Variants in KBTBD2 observed in about 807,000 individuals in gnomAD.
The protein encoded by KBTBD2 is kelch repeat and BTB domain-containing protein 2.
In KBTBD2, 17 loss-of-function variants were observed where a neutral mutation model predicts 57.1. The ratio of observed to expected loss-of-function variants is 0.30; its 90% confidence interval spans 0.20 to 0.45. The LOEUF (loss-of-function observed/expected upper bound fraction) is 0.45, where lower values mean the gene tolerates loss of function less well. KBTBD2 is among the 20% of genes least tolerant of loss of function. The pLI is 1.00. For synonymous variants in KBTBD2, 267 were observed against 262.7 expected (o/e 1.02, Z -0.16); for missense variants, 515 against 750.6 (o/e 0.69, Z 3.67).
At chr7:32,887,995 C>A (rs1448551089) in intron 1 of KBTBD2, among the ~76,000 whole-genome samples, 1 of 152,208 alleles carries the variant, frequency 6.6e-6, no homozygotes, top group East Asian at 1.9e-4. Context: ...GAAGCTTTTG[C>A]AGCACTTTCC....
chr7:32,876,671 T>C (rs780764254), intron 2 of KBTBD2, among the ~76,000 whole-genome samples: 9 of 152,156 alleles, frequency 5.9e-5, no homozygotes, highest in Non-Finnish European at 1.3e-4. Flanking sequence ...AAAACCACTA[T>C]AGCTGGGCGC....
intron 1 of KBTBD2, among the ~76,000 whole-genome samples, chr7:32,880,982 T>A (rs1784431694): frequency 6.6e-6 from 1 of 151,560 alleles, no homozygotes; most frequent in Non-Finnish European, 1.5e-5. Context: ...GTGCCTGTAA[T>A]CCCAGCTACT....
upstream of KBTBD2, chr7:32,891,856 G>C (rs184890678): frequency 0.46 from 55,743 of 122,506 alleles, 14,089 homozygotes; most frequent in African/African-American, 0.69. Context: ...TTGTCAGTCC[G>C]GGGCCGCGAG....
At chr7:32,889,215 C>T (rs1347923450) in intron 1 of KBTBD2, among the ~76,000 whole-genome samples, 2 of 151,538 alleles carry the variant, frequency 1.3e-5, no homozygotes, top group Admixed American at 6.6e-5. Flanking sequence ...GGCGTGAACC[C>T]GGGAGGCGGA....
intron 2 of KBTBD2, among the ~76,000 whole-genome samples, chr7:32,876,807 A>G (rs1022035997): frequency 4.0e-5 from 6 of 151,868 alleles, no homozygotes; most frequent in African/African-American, 1.5e-4. Flanking sequence ...AAATACAAAA[A>G]TTTGCTGGGC....
At chr7:32,886,952 T>C (rs1784595158) in intron 1 of KBTBD2, among the ~76,000 whole-genome samples, 1 of 150,400 alleles carries the variant, frequency 6.6e-6, no homozygotes, top group Non-Finnish European at 1.5e-5. Flanking sequence ...TGGCAGTGTT[T>C]TGGCTTTTTG....
chr7:32,871,383 C>T (rs1784174092), intron 3 of KBTBD2, among the ~76,000 whole-genome samples: 1 of 152,086 alleles, frequency 6.6e-6, no homozygotes, highest in African/African-American at 2.4e-5. Flanking sequence ...GGTAAGATAA[C>T]AAAGCAACAC....
rs10671216 is a variant in KBTBD2, at chr7:32,885,909, C to CTTT, written c.-339+5624_-339+5626dup. Among the ~76,000 whole-genome samples, 504 of 141,588 alleles carry CTTT rather than the reference C, an allele frequency of 3.6e-3. 5 individuals carry two copies. Among genetic ancestry groups the CTTT allele is most frequent in the African/African-American group, 7.0e-3 (268 of 38,222 alleles). 92.9% of individuals were successfully genotyped at this position (141,588 alleles called of 152,430 possible). A position where few individuals can be genotyped will look rare whatever the true frequency, so the allele number is the denominator to read the frequency against. On this transcript the variant is annotated intron_variant, in intron 1 of 3. Coordinates refer to ENST00000304056, the MANE Select transcript of KBTBD2 (RefSeq NM_015483.3). ...AATCCTCTCCTCCACTGTCTACACA[C>CTTT]TTTTTTTTTTTTTTTTAAAGACAGA...
Position 32,875,175 on chromosome 7 carries a change from A to C in KBTBD2, c.171-18T>G. 1 of 1,609,768 alleles carries C rather than the reference A, an allele frequency of 6.2e-7. No individual in the cohort carries two copies. The highest frequency in any genetic ancestry group is 8.5e-7 in the Non-Finnish European group (1 of 1,177,830). ...ACATGGCCCTACAGGGGAGATGAAG[A>C]AAACAAAGTTGTAAGGGTTTTGTGT... On this transcript the variant is annotated intron_variant, in intron 2 of 3. Transcript: ENST00000304056.
At chr7:32,873,786 T>C (rs1462401580) in intron 3 of KBTBD2, among the ~76,000 whole-genome samples, 1 of 152,110 alleles carries the variant, frequency 6.6e-6, no homozygotes, top group Non-Finnish European at 1.5e-5. Flanking sequence ...TATTAGGTAG[T>C]AAAACACACG....
intron 2 of KBTBD2, among the ~76,000 whole-genome samples, chr7:32,878,128 A>T (rs1201932053): frequency 1.3e-5 from 2 of 151,492 alleles, no homozygotes; most frequent in Admixed American, 6.6e-5. Context: ...AAAAAAAAAA[A>T]TTGTAGGCAT....
At chr7:32,873,490 T>C (rs1056028801) in intron 3 of KBTBD2, among the ~76,000 whole-genome samples, 1 of 152,150 alleles carries the variant, frequency 6.6e-6, no homozygotes, top group East Asian at 1.9e-4. Context: ...TCCCAGCACT[T>C]TGGGAGGCCA....
rs1583768754 is a variant in KBTBD2, at chr7:32,869,262, T to C, written c.*83A>G. On this transcript the variant is annotated 3_prime_UTR_variant, in exon 4 of 4. Coordinates refer to ENST00000304056, the MANE Select transcript of KBTBD2 (RefSeq NM_015483.3). ...AAAGATAGAATTTTATGTACTCATA[T>C]TTAGTTCTTTCATAGCCTCTTTTGT... The C allele has an allele frequency of 3.1e-6, 3 of 976,838 alleles. No individual in the cohort carries two copies. The highest frequency in any genetic ancestry group is 2.2e-4 in the Middle Eastern group (1 of 4,540). 60.5% of individuals were successfully genotyped at this position (976,838 alleles called of 1,614,324 possible).
chr7:32,888,081 C>T (rs1784625038), intron 1 of KBTBD2, among the ~76,000 whole-genome samples: 2 of 152,324 alleles, frequency 1.3e-5, no homozygotes, highest in African/African-American at 4.8e-5. Context: ...ATACAGTTCT[C>T]TTTTTTCATT....
intron 2 of KBTBD2, among the ~76,000 whole-genome samples, chr7:32,878,685 T>C (rs1242488525): frequency 6.6e-6 from 1 of 152,190 alleles, no homozygotes; most frequent in Non-Finnish European, 1.5e-5. Flanking sequence ...AGGTCCACAT[T>C]TAATTCACCT....
chr7:32,876,962 AG>A (rs1453561871), intron 2 of KBTBD2, among the ~76,000 whole-genome samples: 1 of 152,146 alleles, frequency 6.6e-6, no homozygotes, highest in Non-Finnish European at 1.5e-5. Flanking sequence ...CACCTCAAAA[AG>A]GAACAAACAA....
At position 32,891,538 on chromosome 7, in the gene KBTBD2, G is replaced by A. The variant is rs1347684575; in HGVS notation, c.-341C>T. ...CGGCGCTACTGTCGCCTGCTCACCC[G>A]CGTCCCTCGGTCCGGAGGTGTGGGA... On this transcript the variant is annotated splice_region_variant and 5_prime_UTR_variant, in exon 1 of 4. Coordinates refer to ENST00000304056, the MANE Select transcript of KBTBD2 (RefSeq NM_015483.3). 6.6e-6 allele frequency: 1 copy of A among 150,730 alleles called. No individual in the cohort carries two copies. Among genetic ancestry groups the A allele is most frequent in the Non-Finnish European group, 1.5e-5 (1 of 67,716 alleles). The allele number at this position is 150,730 out of a possible 1,614,324, so 9.3% of individuals were successfully genotyped here.
intron 1 of KBTBD2, among the ~76,000 whole-genome samples, chr7:32,883,610 A>G (rs1418487691): frequency 1.3e-5 from 2 of 152,220 alleles, no homozygotes; most frequent in Non-Finnish European, 2.9e-5. Flanking sequence ...TACATTTTGT[A>G]TATCATTCTA....
chr7:32,891,104 G>A (rs1000941900), intron 1 of KBTBD2: 5 of 152,366 alleles, frequency 3.3e-5, no homozygotes, highest in African/African-American at 9.7e-5. Flanking sequence ...ACAGAAGGAA[G>A]GGGGTGTCCT....
Sources: gnomAD v4.1 joint callset for allele counts (sites outside exome capture counted in the v4.1 genomes callset) on GRCh38, gnomAD v4.1.1 for gene constraint, MANE v1.5 for transcripts, NCBI Gene and HGNC (gene_info 2026-07-23, HGNC 2026-07-21) for gene names.